TAF2: variants seen among roughly 807,000 people sequenced by gnomAD.
TAF2 encodes TATA-box binding protein associated factor 2, also known as transcription initiation factor TFIID subunit 2.
In TAF2, 61 loss-of-function variants were observed where a neutral mutation model predicts 138.5. The observed-to-expected ratio is 0.44, with a 90% confidence interval of 0.36 to 0.54. TAF2 has a LOEUF of 0.54. Among genes scored for constraint, TAF2 ranks in the 20% least tolerant of loss-of-function variants. The pLI is 0.00. For missense variants in TAF2, 1,090 were observed against 1,427.9 expected, an observed-to-expected ratio of 0.76 and a Z score of 3.81; for synonymous variants, 475 against 469.9, an observed-to-expected ratio of 1.01 and a Z score of -0.14.
intron 6 of TAF2, among the ~76,000 whole-genome samples, chr8:119,799,400 T>C (rs933814307): frequency 1.2e-4 from 18 of 150,268 alleles, no homozygotes; most frequent in Admixed American, 6.7e-4. Context: ...AGTGAGAACA[T>C]GTGGTGTTTG....
intron 3 of TAF2, among the ~76,000 whole-genome samples, chr8:119,818,787 T>A (rs1190385184): frequency 6.7e-6 from 1 of 148,352 alleles, no homozygotes; most frequent in East Asian, 2.0e-4. Context: ...AAACAAAGTA[T>A]GAAATAGAAG....
At chr8:119,793,533 GAATTCTCATTTCCTA>G in intron 9 of TAF2, 82 bp from the exon 10 acceptor site, 1 of 948,376 alleles carries the variant, frequency 1.1e-6, no homozygotes, top group Non-Finnish European at 1.7e-6. Context: ...ATTAAACTGT[GAATTCTCATTTCCTA>G]AAATCAGAAT....
intron 3 of TAF2, among the ~76,000 whole-genome samples, chr8:119,818,151 C>A (rs1460469790): frequency 2.0e-5 from 3 of 152,210 alleles, no homozygotes; most frequent in Non-Finnish European, 4.4e-5. Context: ...TTGCTTATGG[C>A]AGTGGTTCTC....
chr8:119,788,983 T>A, intron 12 of TAF2, 79 bp from the exon 13 acceptor site: 1 of 1,001,264 alleles, frequency 1.0e-6, no homozygotes, highest in Non-Finnish European at 1.6e-6. Flanking sequence ...ATGGTATTAA[T>A]AATTTTCAAG....
At chr8:119,783,802 T>G (rs966981663) in intron 15 of TAF2, among the ~76,000 whole-genome samples, 169 bp from the exon 16 acceptor site, 4 of 152,236 alleles carry the variant, frequency 2.6e-5, no homozygotes, top group Non-Finnish European at 5.9e-5. Context: ...GACAAATTTC[T>G]CATTATGTTT....
intron 23 of TAF2, chr8:119,745,048 T>C (rs1341611149): frequency 2.2e-6 from 1 of 456,108 alleles, no homozygotes; most frequent in Admixed American, 2.3e-5. Context: ...TGCGGCAATA[T>C]TCAAGATCAA....
Position 119,819,332 on chromosome 8 carries a change from A to G in TAF2, c.299+14T>C, listed in dbSNP as rs1270879985. 6.2e-7 allele frequency: 1 copy of G among 1,611,112 alleles called. No homozygotes were observed. ...AACTGTTAAAAATAGTGACTTTTAA[A>G]GTGCATAACTTACTGTTTTGATTCA... On this transcript the variant is annotated intron_variant, in intron 3 of 25. Coordinates refer to ENST00000378164, the MANE Select transcript of TAF2 (RefSeq NM_003184.4).
At chr8:119,780,381 T>G (rs1275187644) in intron 17 of TAF2, among the ~76,000 whole-genome samples, 1 of 152,220 alleles carries the variant, frequency 6.6e-6, no homozygotes, top group African/African-American at 2.4e-5. Flanking sequence ...AAGAAACTTA[T>G]GCATGTGCAA....
intron 17 of TAF2, among the ~76,000 whole-genome samples, chr8:119,780,675 C>A (rs944638935): frequency 6.6e-6 from 1 of 152,182 alleles, no homozygotes; most frequent in Non-Finnish European, 1.5e-5. Context: ...GTGGCTCACA[C>A]CTGTAATCTC....
At chr8:119,756,941 G>C (rs751952394) in intron 21 of TAF2, among the ~76,000 whole-genome samples, 1 of 152,186 alleles carries the variant, frequency 6.6e-6, no homozygotes, top group African/African-American at 2.4e-5. Context: ...CACCAAGTTT[G>C]AGAAATTACT....
rs765794565 is a variant in TAF2 at position 119,789,542 on chromosome 8, CA to C, written c.1568+49del. On this transcript the variant is annotated intron_variant, in intron 12 of 25. Transcript: ENST00000378164. ...TCTTCTTCCATCTTCCCCTTGCACA[CA>C]TACCTTATTCCCTTCCCCACTCTGT... 9 of 1,606,318 alleles carry C rather than the reference CA, an allele frequency of 5.6e-6. No individual in the cohort carries two copies. The African/African-American group carries it at 1.1e-4, about 19-fold the overall frequency.
chr8:119,788,276 G>A (rs1823167263), intron 14 of TAF2, 62 bp downstream of exon 14: 1 of 1,438,000 alleles, frequency 7.0e-7, no homozygotes, highest in African/African-American at 1.4e-5. Context: ...TTTTATTTTG[G>A]CATTTTAGTC....
intron 17 of TAF2, 126 bp downstream of exon 17, chr8:119,780,927 T>G (rs1586414143): frequency 1.2e-5 from 12 of 994,156 alleles, no homozygotes; most frequent in African/African-American, 9.1e-5. Context: ...AGAGTGAGAC[T>G]CTGTCTCAAA....
In TAF2 at chr8:119,742,294, C is replaced by A. The variant is rs939723645; in HGVS notation, c.3337+240G>T. On this transcript the variant is annotated intron_variant, in intron 25 of 25. Transcript: ENST00000378164. ...ATGGCATATGGGGGATAATTTTTTT[C>A]TCACCTAATTTTCTTTTATTTCCAA... 5.3e-5 allele frequency among the ~76,000 whole-genome samples: 8 copies of A among 151,956 alleles called. No homozygotes were observed. In the East Asian group the frequency reaches 1.2e-3, roughly 22 times the overall value.
intron 14 of TAF2, 59 bp from the exon 15 acceptor site, chr8:119,785,325 T>G: frequency 8.7e-7 from 1 of 1,145,136 alleles, no homozygotes; most frequent in Non-Finnish European, 1.3e-6. Flanking sequence ...GAATGGACAT[T>G]AACAGCAGCT....
Position 119,827,525 on chromosome 8 carries a change from G to A in TAF2, c.138+4152C>T, listed in dbSNP as rs1268444476. ...AGAGTAACCATTTGTTTAAACTTAT[G>A]CATTTTATCTTGTACCCTATCTTAC... On this transcript the variant is annotated intron_variant, in intron 2 of 25. Transcript: ENST00000378164. 2.0e-5 allele frequency among the ~76,000 whole-genome samples: 3 copies of A among 152,106 alleles called. No homozygotes were observed. The East Asian group carries it at 5.8e-4, about 29-fold the overall frequency.
Position 119,778,131 on chromosome 8 carries a change from T to TACAA in TAF2, c.2254-6_2254-3dup. On this transcript the variant is annotated splice_polypyrimidine_tract_variant and splice_region_variant and intron_variant, in intron 17 of 25. Transcript: ENST00000378164. ...TAAAGCCATTGCAACTGGCATAGTC[T>TACAA]ACAAAAGAAAAAAAAGAACTTTTAA... 1 of 1,568,282 alleles carries TACAA rather than the reference T, an allele frequency of 6.4e-7. No homozygotes were observed. Among genetic ancestry groups the TACAA allele is most frequent in the Non-Finnish European group, 8.7e-7 (1 of 1,152,748 alleles).
intron 25 of TAF2, among the ~76,000 whole-genome samples, chr8:119,732,760 T>A (rs1363172963): frequency 6.6e-6 from 1 of 152,132 alleles, no homozygotes; most frequent in Admixed American, 6.5e-5. Flanking sequence ...GCTGAGATCG[T>A]GTCACTGCAC....
rs778430433 is a variant in TAF2, at chr8:119,819,479, T to C, written c.166A>G (p.Thr56Ala). Reference protein sequence around the residue: ...VGFVELTIFPTVANLNRIKLN... With the variant: ...VGFVELTIFPAVANLNRIKLN... ...TTGATTCTATTCAAGTTTGCAACTG[T>C]GGGAAATATAGTCAGTTCCACAAAT... The change falls in exon 3 of 26, where the codon ACA (threonine) becomes GCA (alanine). Residue 56 changes from threonine (T) to alanine (A), a missense_variant. Physicochemically the swap from Thr to Ala is moderately conservative, Grantham distance 58. This residue lies in a region of TAF2 where 504 missense variants were observed against 680.9 expected (regional missense o/e 0.74). Coordinates refer to ENST00000378164, the MANE Select transcript of TAF2 (RefSeq NM_003184.4). 6.2e-7 allele frequency: 1 copy of C among 1,609,498 alleles called. No homozygotes were observed. Among genetic ancestry groups the C allele is most frequent in the Non-Finnish European group, 8.5e-7 (1 of 1,179,322 alleles).
Sources: gnomAD v4.1 joint callset for allele counts (sites outside exome capture counted in the v4.1 genomes callset) on GRCh38, gnomAD v4.1.1 for gene constraint, gnomAD v4.1.1 regional missense constraint, MANE v1.5 for transcripts, NCBI Gene and HGNC (gene_info 2026-07-23, HGNC 2026-07-21) for gene names.